MYO7A: variants seen among roughly 807,000 people sequenced by gnomAD.
MYO7A encodes unconventional myosin-VIIa.
Under a neutral mutation model 263.8 loss-of-function variants are expected in MYO7A, and 210 were observed. That is an observed-to-expected ratio of 0.80 (90% CI 0.71 to 0.89). The LOEUF is 0.89. MYO7A is among the 40% of genes least tolerant of loss of function. The pLI is 0.00. For missense variants in MYO7A, 2,820 were observed against 2,968.3 expected (o/e 0.95, Z 1.16); for synonymous variants, 1,239 against 1,197.3 (o/e 1.03, Z -0.72).
intron 2 of MYO7A, among the ~76,000 whole-genome samples, chr11:77,132,023 G>A (rs1277232407): frequency 1.3e-5 from 2 of 152,034 alleles, no homozygotes; most frequent in African/African-American, 4.8e-5. Context: ...GCCGATGAGA[G>A]GCTAAAATGC....
chr11:77,206,024 C>T, intron 40 of MYO7A, 73 bp from the exon 41 acceptor site: 2 of 1,213,854 alleles, frequency 1.6e-6, no homozygotes, highest in South Asian at 1.3e-5. Flanking sequence ...GGTTGTCTGC[C>T]TCCAAGTGTC....
intron 14 of MYO7A, among the ~76,000 whole-genome samples, chr11:77,163,980 G>T (rs1953279093): frequency 6.6e-6 from 1 of 151,892 alleles, no homozygotes; most frequent in Non-Finnish European, 1.5e-5. Context: ...TCAGAACAAG[G>T]TGGGGGGGGC....
chr11:77,145,497 T>A (rs1951498671), intron 3 of MYO7A, among the ~76,000 whole-genome samples: 1 of 151,782 alleles, frequency 6.6e-6, no homozygotes, highest in Admixed American at 6.6e-5. Flanking sequence ...GAGGCTGGGG[T>A]CAAGTGGCGA....
chr11:77,164,328 A>C (rs1953327272), intron 14 of MYO7A, among the ~76,000 whole-genome samples: 1 of 151,852 alleles, frequency 6.6e-6, no homozygotes, highest in Admixed American at 6.6e-5. Flanking sequence ...CCTGCCATAC[A>C]GCCTCAAGGG....
chr11:77,152,884 C>G (rs887010822), intron 4 of MYO7A, among the ~76,000 whole-genome samples: 9 of 152,054 alleles, frequency 5.9e-5, no homozygotes, highest in Non-Finnish European at 1.0e-4. Context: ...GTAGGGGAAG[C>G]GTGTCCCTGG....
At chr11:77,206,047 T>G in intron 40 of MYO7A, 50 bp from the exon 41 acceptor site, 1 of 1,425,116 alleles carries the variant, frequency 7.0e-7, no homozygotes, top group Non-Finnish European at 9.7e-7. Context: ...GGTCCCCTGG[T>G]CTCCACAGTC....
At chr11:77,160,047 T>A (rs1344720455) in intron 10 of MYO7A, 116 bp from the exon 11 acceptor site, 2 of 1,431,376 alleles carry the variant, frequency 1.4e-6, no homozygotes, top group African/African-American at 1.4e-5. Flanking sequence ...GGGGCAGGCG[T>A]GCTTAGTGGA....
intron 18 of MYO7A, among the ~76,000 whole-genome samples, chr11:77,175,774 C>G (rs1270813107): frequency 6.6e-6 from 1 of 152,254 alleles, no homozygotes; most frequent in African/African-American, 2.4e-5. Context: ...GGGGCCCTTT[C>G]TGAGCCTCAT....
chr11:77,179,685 A>T, intron 20 of MYO7A, 50 bp from the exon 21 acceptor site: 1 of 1,463,400 alleles, frequency 6.8e-7, no homozygotes, highest in Non-Finnish European at 9.1e-7. Flanking sequence ...AGGCAGGGTC[A>T]GTCTGGAATG....
chr11:77,212,012 A>T, intron 46 of MYO7A, 75 bp downstream of exon 46: 2 of 1,255,494 alleles, frequency 1.6e-6, no homozygotes, highest in Non-Finnish European at 2.3e-6. Flanking sequence ...CCTCCCTAGG[A>T]CTGTGGGAAA....
chr11:77,132,771 G>A (rs1359136777), intron 2 of MYO7A, among the ~76,000 whole-genome samples: 7 of 152,222 alleles, frequency 4.6e-5, no homozygotes, highest in Non-Finnish European at 7.3e-5. Context: ...ACAGGCGTGA[G>A]CCACCGCACC....
chr11:77,191,357 C>T (rs1264587800), intron 30 of MYO7A, among the ~76,000 whole-genome samples: 4 of 152,196 alleles, frequency 2.6e-5, no homozygotes, highest in Non-Finnish European at 5.9e-5. Context: ...GAGTGCTCTT[C>T]AGCACCTGAG....
chr11:77,205,909 C>T (rs1319747566), intron 40 of MYO7A, among the ~76,000 whole-genome samples, 188 bp from the exon 41 acceptor site: 2 of 152,152 alleles, frequency 1.3e-5, no homozygotes, highest in Non-Finnish European at 2.9e-5. Flanking sequence ...CTTTGCTGGG[C>T]CTCTCCACAC....
chr11:77,179,645 A>G, intron 20 of MYO7A, 90 bp from the exon 21 acceptor site: 1 of 1,205,958 alleles, frequency 8.3e-7, no homozygotes. Context: ...CCTGTCTGAG[A>G]GTGGAGGCCG....
At chr11:77,162,460 CA>C in intron 13 of MYO7A, 130 bp downstream of exon 13, 1 of 899,842 alleles carries the variant, frequency 1.1e-6, no homozygotes, top group Non-Finnish European at 1.7e-6. Flanking sequence ...GCTCAGGGGC[CA>C]ATTCAAGTAT....
intron 35 of MYO7A, 41 bp downstream of exon 35, chr11:77,199,859 A>T: frequency 6.5e-7 from 1 of 1,532,478 alleles, no homozygotes; most frequent in South Asian, 1.3e-5. Flanking sequence ...ACTGGGGGTC[A>T]GGGTGTTATG....
chr11:77,199,038 G>A (rs1956880968), intron 34 of MYO7A, among the ~76,000 whole-genome samples: 1 of 152,224 alleles, frequency 6.6e-6, no homozygotes, highest in African/African-American at 2.4e-5. Context: ...GTGCACATAG[G>A]TGGAATGGTG....
At chr11:77,193,473 AGTGATGATG>A (rs1284331627) in intron 31 of MYO7A, among the ~76,000 whole-genome samples, 1 of 134,516 alleles carries the variant, frequency 7.4e-6, no homozygotes, top group African/African-American at 2.8e-5. Flanking sequence ...TAGTGTTGGT[AGTGATGATG>A]GTGGTGATGG....
intron 26 of MYO7A, among the ~76,000 whole-genome samples, chr11:77,183,984 C>T (rs539737962): frequency 3.3e-4 from 51 of 152,256 alleles, no homozygotes; most frequent in Middle Eastern, 6.8e-3. Context: ...AAATGGCAGC[C>T]GAGGGTGTTC....
Sources: allele counts gnomAD v4.1 joint callset (sites outside exome capture counted in the v4.1 genomes callset), GRCh38; gene constraint gnomAD v4.1.1; transcripts MANE v1.5; gene names NCBI Gene and HGNC (gene_info 2026-07-23, HGNC 2026-07-21).